NOTCH2: variants seen among roughly 807,000 people sequenced by gnomAD.
NOTCH2 encodes the protein neurogenic locus notch homolog protein 2.
Under a neutral mutation model 235.8 loss-of-function variants are expected in NOTCH2, and 29 were observed. That is an observed-to-expected ratio of 0.12 (90% confidence interval 0.09 to 0.17). NOTCH2 has a LOEUF of 0.17. NOTCH2 is among the 10% of genes least tolerant of loss of function. The pLI, the probability that NOTCH2 is intolerant of heterozygous loss-of-function variation, is 1.00. For synonymous variants in NOTCH2, 1,086 were observed against 1,141.5 expected (o/e 0.95, Z 0.98); for missense variants, 2,285 against 3,150.2 (o/e 0.73, Z 6.57).
At chr1:119,956,631 A>T (rs1650711964) in intron 12 of NOTCH2, among the ~76,000 whole-genome samples, 1 of 152,178 alleles carries the variant, frequency 6.6e-6, no homozygotes, top group African/African-American at 2.4e-5. Flanking sequence ...TGTCAGTGGC[A>T]CCAAAATATG....
intron 11 of NOTCH2, among the ~76,000 whole-genome samples, chr1:119,961,798 A>T (rs1410876333): frequency 6.6e-6 from 1 of 152,202 alleles, no homozygotes; most frequent in Non-Finnish European, 1.5e-5. Context: ...TGACTACCAC[A>T]ATTTTAGCTG....
chr1:119,937,769 A>C, intron 20 of NOTCH2, 88 bp downstream of exon 20: 1 of 1,493,010 alleles, frequency 6.7e-7, no homozygotes, highest in Non-Finnish European at 9.3e-7. Context: ...CTTCCCTCTT[A>C]TTCCACAAAA....
chr1:119,935,142 T>C (rs940490623), intron 22 of NOTCH2: 2 of 1,227,616 alleles, frequency 1.6e-6, no homozygotes, highest in Non-Finnish European at 2.0e-6. Flanking sequence ...TTAGAGGCCA[T>C]TAGTTGCTTT....
chr1:119,942,837 T>G (rs1650108158), intron 17 of NOTCH2, among the ~76,000 whole-genome samples: 1 of 152,116 alleles, frequency 6.6e-6, no homozygotes, highest in Non-Finnish European at 1.5e-5. Context: ...TTTTTCACTA[T>G]TTGTAATACA....
At chr1:119,953,144 T>G (rs143447478) in intron 14 of NOTCH2, among the ~76,000 whole-genome samples, 1,591 of 152,234 alleles carry the variant, frequency 0.01, 16 homozygotes, top group Non-Finnish European at 0.017. Flanking sequence ...AAACCCCGTC[T>G]CTACTAAAAA....
At chr1:119,971,485 T>C (rs1553200356) in intron 5 of NOTCH2, among the ~76,000 whole-genome samples, 1 of 152,086 alleles carries the variant, frequency 6.6e-6, no homozygotes, top group East Asian at 1.9e-4. Context: ...ACCAAAAAGA[T>C]GAGGAGGCTG....
intron 1 of NOTCH2, among the ~76,000 whole-genome samples, chr1:120,067,261 C>T (rs1257484542): frequency 2.1e-5 from 3 of 144,294 alleles, no homozygotes; most frequent in African/African-American, 8.5e-5. Context: ...ATCTCTTCTA[C>T]TGCATTAGTT....
Position 119,925,816 on chromosome 1 carries a change from G to A in NOTCH2, c.4006-6C>T, listed in dbSNP as rs1570664275. 1.2e-6 allele frequency: 2 copies of A among 1,613,834 alleles called. No individual in the cohort carries two copies. The highest frequency in any genetic ancestry group is 1.7e-6 in the Non-Finnish European group (2 of 1,179,986). On this transcript the variant is annotated splice_polypyrimidine_tract_variant and splice_region_variant and intron_variant, in intron 24 of 33. Coordinates refer to ENST00000256646, the MANE Select transcript of NOTCH2 (RefSeq NM_024408.4). The stretch of plus-strand genomic sequence containing the variant: ...CACCTTGCCCCGGAAAATCCCTGTG[G>A]AAATCAGTGAGGAAATAAAAATGGC...
intron 5 of NOTCH2, among the ~76,000 whole-genome samples, chr1:119,981,122 CT>C (rs2101171112): frequency 6.6e-6 from 1 of 152,226 alleles, no homozygotes; most frequent in East Asian, 1.9e-4. Context: ...ATGTTTTTCA[CT>C]TGGAAAACTC....
At chr1:119,981,654 C>A (rs1002013473) in intron 5 of NOTCH2, among the ~76,000 whole-genome samples, 13 of 152,148 alleles carry the variant, frequency 8.5e-5, no homozygotes, top group Admixed American at 2.0e-4. Context: ...GTCCTTGTTT[C>A]CACCAACAGC....
In NOTCH2 at chr1:119,912,583, C is replaced by CA. The variant is rs1648929051; in HGVS notation, c.*2722dup. ...AAACAAAACAGAGGAAGCAAATAAA[C>CA]AAACAAAAAAACCTATCCCCAAAGG... On this transcript the variant is annotated 3_prime_UTR_variant, in exon 34 of 34. Transcript: ENST00000256646. 1 of 232,674 alleles carries CA rather than the reference C, an allele frequency of 4.3e-6. No homozygotes were observed. The highest frequency in any genetic ancestry group is 1.8e-4 in the South Asian group (1 of 5,504). The allele number at this position is 232,674 out of a possible 1,614,324, so 14.4% of individuals were successfully genotyped here. A position where few individuals can be genotyped will look rare whatever the true frequency, so the allele number is the denominator to read the frequency against.
intron 4 of NOTCH2, 83 bp from the exon 5 acceptor site, chr1:119,987,165 A>G: frequency 1.3e-6 from 2 of 1,534,208 alleles, no homozygotes; most frequent in South Asian, 2.3e-5. Flanking sequence ...CATGGTTATT[A>G]GAATAGACCC....
chr1:119,977,509 T>C (rs12073841), intron 5 of NOTCH2, among the ~76,000 whole-genome samples: 7,699 of 152,234 alleles, frequency 0.051, 633 homozygotes, highest in African/African-American at 0.17. Flanking sequence ...CCCTCTGCGG[T>C]AGAGCTCCTG....
At chr1:120,012,549 C>T (rs1302942184) in intron 2 of NOTCH2, among the ~76,000 whole-genome samples, 4 of 151,992 alleles carry the variant, frequency 2.6e-5, no homozygotes, top group Non-Finnish European at 5.9e-5. Flanking sequence ...GTCTTTACTC[C>T]AAGTTTCCTT....
chr1:119,979,985 T>C (rs1023770885), intron 5 of NOTCH2, among the ~76,000 whole-genome samples: 1 of 152,184 alleles, frequency 6.6e-6, no homozygotes, highest in African/African-American at 2.4e-5. Context: ...TGGTCTGTCG[T>C]TCTCGTGGAC....
chr1:120,066,917 C>T (rs1655531638), intron 1 of NOTCH2, among the ~76,000 whole-genome samples: 1 of 149,950 alleles, frequency 6.7e-6, no homozygotes, highest in South Asian at 2.2e-4. Context: ...TTTGTTTAAG[C>T]AAGAGAAGAA....
chr1:119,923,659 C>T lies in NOTCH2; in HGVS notation c.4837G>A (p.Glu1613Lys). The change falls in exon 26 of 34, where the codon GAA (glutamate) becomes AAA (lysine). Residue 1613 changes from glutamate (E) to lysine (K), a missense_variant. Glu to Lys is a moderately conservative substitution (Grantham distance 56, BLOSUM62 1). This residue lies in a region of NOTCH2 where 1,173 missense variants were observed against 1,515.3 expected (regional missense o/e 0.77). Coordinates refer to ENST00000256646, the MANE Select transcript of NOTCH2 (RefSeq NM_024408.4). ...TACCCAGCCACCTCCTGTTCTTGTT[C>T]ACCAGGAAGGGATCTGCGTGTCATC... ...QRMTRRSLPG[E>K]QEQEVAGSKV... is the part of the protein sequence containing the mutation. The T allele has an allele frequency of 6.2e-7, 1 of 1,614,146 alleles. No homozygotes were observed. The highest frequency in any genetic ancestry group is 8.5e-7 in the Non-Finnish European group (1 of 1,180,002).
In NOTCH2 at chr1:120,069,660, C is replaced by T. The variant is rs1655695493; in HGVS notation, c.-254G>A. On this transcript the variant is annotated 5_prime_UTR_variant, in exon 1 of 34. Coordinates refer to ENST00000256646, the MANE Select transcript of NOTCH2 (RefSeq NM_024408.4). ...CTTTCTCGGGTGTGCAACGAAGCAG[C>T]CTCGTGTGTCCTTCCGCCTCAGCCG... The T allele has an allele frequency of 2.3e-6, 3 of 1,310,400 alleles. No individual in the cohort carries two copies. Among genetic ancestry groups the T allele is most frequent in the Non-Finnish European group, 3.0e-6 (3 of 1,013,726 alleles). 81.2% of individuals were successfully genotyped at this position (1,310,400 alleles called of 1,614,324 possible).
At chr1:119,977,866 A>G (rs1651651980) in intron 5 of NOTCH2, among the ~76,000 whole-genome samples, 1 of 151,716 alleles carries the variant, frequency 6.6e-6, no homozygotes, top group Non-Finnish European at 1.5e-5. Context: ...AAATATATAT[A>G]TGTACACATA....
Sources: allele counts gnomAD v4.1 joint callset (sites outside exome capture counted in the v4.1 genomes callset), GRCh38; gene constraint gnomAD v4.1.1; regional missense constraint gnomAD v4.1.1; transcripts MANE v1.5; gene names NCBI Gene and HGNC (gene_info 2026-07-23, HGNC 2026-07-21).